KCNMA1: variants seen among roughly 807,000 people sequenced by gnomAD.
The protein encoded by KCNMA1 is potassium calcium-activated channel subfamily M alpha 1.
In KCNMA1, 29 loss-of-function variants were observed where a neutral mutation model predicts 140.0. The observed-to-expected ratio is 0.21, with a 90% CI of 0.15 to 0.28. KCNMA1 has a LOEUF of 0.28. Among genes scored for constraint, KCNMA1 ranks in the 10% least tolerant of loss-of-function variants. KCNMA1 has a pLI of 1.00. For missense variants in KCNMA1, 880 were observed against 1,602.2 expected, an observed-to-expected ratio of 0.55 and a Z score of 7.70; for synonymous variants, 612 against 611.9, an observed-to-expected ratio of 1.00 and a Z score of 0.00.
rs138544988 is a variant in KCNMA1, at chr10:77,255,299, C to T, written c.541-4043G>A. Among the ~76,000 whole-genome samples the T allele has an allele frequency of 8.9e-3, 1,351 of 151,808 alleles. 21 individuals carry two copies. The highest frequency in any genetic ancestry group is 0.031 in the African/African-American group (1,278 of 41,394). On this transcript the variant is annotated intron_variant, in intron 2 of 27. Coordinates refer to ENST00000286628, the MANE Select transcript of KCNMA1 (RefSeq NM_001161352.2). The stretch of plus-strand genomic sequence containing the variant: ...AAAGAATGCCAGGAACACACATACA[C>T]GGTGTATTTTTTTTTAAGGGCAGGG...
At chr10:76,891,421 G>A (rs1484226122) in intron 26 of KCNMA1, 104 bp downstream of exon 26, 4 of 833,572 alleles carry the variant, frequency 4.8e-6, no homozygotes, top group Non-Finnish European at 7.9e-6. Flanking sequence ...ACAATAGGAA[G>A]GAGAAAAGCC....
At chr10:77,486,788 G>C (rs1294264834) in intron 1 of KCNMA1, among the ~76,000 whole-genome samples, 1 of 152,212 alleles carries the variant, frequency 6.6e-6, no homozygotes, top group Admixed American at 6.5e-5. Flanking sequence ...TGCATAATAA[G>C]AAGCAGCTTC....
chr10:76,970,091 G>T lies in KCNMA1; in HGVS notation c.2267-24C>A, dbSNP rs756839164. The T allele has an allele frequency of 1.4e-5, 22 of 1,590,724 alleles. No individual in the cohort carries two copies. The Admixed American group carries it at 3.5e-4, about 25-fold the overall frequency. On this transcript the variant is annotated intron_variant, in intron 19 of 27. Transcript: ENST00000286628. ...AACTGGAAATACAGGCAGCTCATGAGATTATGAACAGTTTGAGGGCAGACT... is the reference window on the plus strand; with the variant it reads ...AACTGGAAATACAGGCAGCTCATGATATTATGAACAGTTTGAGGGCAGACT...
chr10:77,605,187 A>G (rs1208569673), intron 1 of KCNMA1, among the ~76,000 whole-genome samples: 1 of 152,178 alleles, frequency 6.6e-6, no homozygotes, highest in Non-Finnish European at 1.5e-5. Flanking sequence ...AGGTCCTCAG[A>G]GGCCACCTGG....
chr10:77,428,785 T>C (rs974060427), intron 1 of KCNMA1, among the ~76,000 whole-genome samples: 3 of 152,164 alleles, frequency 2.0e-5, no homozygotes, highest in Admixed American at 1.3e-4. Context: ...ATAAAAACCA[T>C]CTGTGATTTT....
rs143084901 is a variant in KCNMA1, at chr10:77,181,934, G to A, written c.808+1487C>T. ...CACATACATATATATATATATGCATGCACACGTGTATGTGCATATAATATA... is the reference window on the plus strand; with the variant it reads ...CACATACATATATATATATATGCATACACACGTGTATGTGCATATAATATA... On this transcript the variant is annotated intron_variant, in intron 5 of 27. Transcript: ENST00000286628. Among the ~76,000 whole-genome samples, 552 of 152,088 alleles carry A rather than the reference G, an allele frequency of 3.6e-3. 5 individuals are homozygous for A. Among genetic ancestry groups the A allele is most frequent in the African/African-American group, 0.012 (517 of 41,484 alleles).
intron 23 of KCNMA1, among the ~76,000 whole-genome samples, chr10:76,928,289 G>GCA (rs763783104): frequency 0.028 from 2,036 of 73,364 alleles, 41 homozygotes; most frequent in African/African-American, 0.061. Context: ...ACACGCGCGC[G>GCA]CACACACACA....
chr10:77,006,704 G>C lies in KCNMA1; in HGVS notation c.2093-5124C>G, dbSNP rs551075155. On this transcript the variant is annotated intron_variant, in intron 18 of 27. Transcript: ENST00000286628. ...TGCCCCTAATGACTGTATTGTGGCT[G>C]AGGAAGGCAGAAGTATTTGGCACTA... is the stretch of plus-strand genomic sequence containing the variant. Among the ~76,000 whole-genome samples, 3 of 152,326 alleles carry C rather than the reference G, an allele frequency of 2.0e-5. No individual in the cohort carries two copies. The South Asian group carries it at 6.2e-4, about 32-fold the overall frequency.
intron 2 of KCNMA1, among the ~76,000 whole-genome samples, chr10:77,368,422 T>G (rs925611688): frequency 3.9e-5 from 6 of 152,244 alleles, no homozygotes; most frequent in Admixed American, 1.3e-4. Flanking sequence ...TGAGAGTTCT[T>G]TATATATCCT....
chr10:77,010,227 T>G (rs2090366719), intron 18 of KCNMA1, among the ~76,000 whole-genome samples: 1 of 152,150 alleles, frequency 6.6e-6, no homozygotes, highest in Non-Finnish European at 1.5e-5. Context: ...CTCTCTTATT[T>G]CCCTCAACCC....
At chr10:77,031,792 T>C (rs2093957083) in intron 15 of KCNMA1, among the ~76,000 whole-genome samples, 1 of 152,206 alleles carries the variant, frequency 6.6e-6, no homozygotes, top group Admixed American at 6.5e-5. Context: ...ACTGAGTTTT[T>C]CCTGTACAGG....
chr10:77,081,434 T>C (rs958392462), intron 12 of KCNMA1, among the ~76,000 whole-genome samples: 12 of 152,088 alleles, frequency 7.9e-5, no homozygotes, highest in Admixed American at 3.9e-4. Flanking sequence ...GGCTAAAGAA[T>C]GGAATTCCAC....
intron 1 of KCNMA1, among the ~76,000 whole-genome samples, chr10:77,502,637 A>T (rs1195905667): frequency 1.3e-5 from 2 of 152,160 alleles, no homozygotes; most frequent in Non-Finnish European, 2.9e-5. Flanking sequence ...ACTTCAGTCC[A>T]TCTGACAGCA....
chr10:77,090,008 T>G (rs1297389387), intron 10 of KCNMA1, among the ~76,000 whole-genome samples: 1 of 152,176 alleles, frequency 6.6e-6, no homozygotes, highest in Non-Finnish European at 1.5e-5. Flanking sequence ...GGTCACCAAC[T>G]GACTCCAGAA....
chr10:77,086,389 G>C, intron 11 of KCNMA1, 99 bp downstream of exon 11: 1 of 871,464 alleles, frequency 1.1e-6, no homozygotes, highest in East Asian at 2.4e-5. Flanking sequence ...GATGACTCGT[G>C]GCCAACCTAG....
At chr10:77,199,425 T>G (rs1378220832) in intron 3 of KCNMA1, among the ~76,000 whole-genome samples, 1 of 152,196 alleles carries the variant, frequency 6.6e-6, no homozygotes, top group East Asian at 1.9e-4. Flanking sequence ...ACTGATTACC[T>G]TGTATGACCT....
intron 22 of KCNMA1, chr10:76,948,863 G>A (rs1306794585): frequency 3.9e-6 from 2 of 509,662 alleles, no homozygotes; most frequent in African/African-American, 1.9e-5. Flanking sequence ...TGTATAGGCA[G>A]GAGTGAGAGT....
intron 1 of KCNMA1, among the ~76,000 whole-genome samples, chr10:77,615,696 T>C (rs1035790106): frequency 6.6e-6 from 1 of 152,096 alleles, no homozygotes; most frequent in Admixed American, 6.5e-5. Context: ...CCGTGGGTGA[T>C]GAGAGGCAGA....
intron 2 of KCNMA1, among the ~76,000 whole-genome samples, chr10:77,277,185 G>A (rs940489360): frequency 1.8e-4 from 28 of 152,174 alleles, no homozygotes; most frequent in Admixed American, 2.6e-4. Flanking sequence ...GGAGAAGAAG[G>A]GGTGAGGAGC....
Sources: allele counts gnomAD v4.1 joint callset (sites outside exome capture counted in the v4.1 genomes callset), GRCh38; gene constraint gnomAD v4.1.1; transcripts MANE v1.5; gene names NCBI Gene and HGNC (gene_info 2026-07-23, HGNC 2026-07-21).